UTRN: variants seen among roughly 807,000 people sequenced by gnomAD.
UTRN encodes the protein utrophin.
In UTRN, 283 loss-of-function variants were observed where a neutral mutation model predicts 463.9. The ratio of observed to expected loss-of-function variants is 0.61; its 90% CI spans 0.55 to 0.67. The LOEUF (loss-of-function observed/expected upper bound fraction) is 0.67. Ranked by LOEUF, UTRN falls within the 30% of genes least tolerant of loss-of-function variation. The pLI is 0.00. For missense variants in UTRN, 3,922 were observed against 4,084.3 expected (o/e 0.96, Z 1.08); for synonymous variants, 1,442 against 1,431.5 (o/e 1.01, Z -0.17).
intron 9 of UTRN, among the ~76,000 whole-genome samples, chr6:144,431,204 T>C (rs1328731427): frequency 2.0e-5 from 3 of 152,212 alleles, no homozygotes; most frequent in Non-Finnish European, 2.9e-5. Flanking sequence ...AGATATTTTA[T>C]TTAGTTCTTA....
intron 25 of UTRN, among the ~76,000 whole-genome samples, chr6:144,476,955 TGA>T (rs1360969889): frequency 6.6e-6 from 1 of 152,082 alleles, no homozygotes; most frequent in African/African-American, 2.4e-5. Context: ...TTTTTAATAA[TGA>T]GAGATATTAA....
intron 3 of UTRN, among the ~76,000 whole-genome samples, chr6:144,415,406 A>G (rs1400631344): frequency 6.6e-6 from 1 of 152,180 alleles, no homozygotes; most frequent in Non-Finnish European, 1.5e-5. Context: ...CCAAGGCCCA[A>G]TTCTGCATCT....
intron 50 of UTRN, 55 bp downstream of exon 50, chr6:144,557,366 G>A: frequency 6.5e-7 from 1 of 1,548,782 alleles, no homozygotes. Context: ...GAATTTGATG[G>A]CTTTGGCTTT....
At chr6:144,470,110 A>G (rs1790372174) in intron 23 of UTRN, among the ~76,000 whole-genome samples, 1 of 152,180 alleles carries the variant, frequency 6.6e-6, no homozygotes, top group Non-Finnish European at 1.5e-5. Flanking sequence ...CCTTCCACAC[A>G]AACACAGCAA....
At chr6:144,595,328 A>C (rs1163052810) in intron 51 of UTRN, among the ~76,000 whole-genome samples, 3 of 152,222 alleles carry the variant, frequency 2.0e-5, no homozygotes, top group African/African-American at 7.2e-5. Context: ...AATAACAATC[A>C]ATGACAATAT....
chr6:144,434,924 T>A (rs1013154614), intron 9 of UTRN, among the ~76,000 whole-genome samples: 4 of 152,190 alleles, frequency 2.6e-5, no homozygotes, highest in Non-Finnish European at 5.9e-5. Flanking sequence ...GGATTTGTTG[T>A]TTGAGCACAG....
chr6:144,667,759 C>G (rs1448307839), intron 51 of UTRN, among the ~76,000 whole-genome samples: 1 of 152,114 alleles, frequency 6.6e-6, no homozygotes, highest in African/African-American at 2.4e-5. Flanking sequence ...CTGAGAATTT[C>G]TATTTGGCAC....
chr6:144,451,484 G>A lies in UTRN; in HGVS notation c.2187G>A (p.Lys729=), dbSNP rs772650632. The A allele has an allele frequency of 1.4e-5, 22 of 1,608,554 alleles. No homozygotes were observed. The highest frequency in any genetic ancestry group is 1.2e-4 in the Admixed American group (7 of 58,776). ...MKMQDTSEMK[K]KLKALEKEQR... ...TGCAAGACACTTCCGAAATGAAAAAGAAGTTGAAGGTAAAAAACATAAACC... is the reference window on the plus strand; with the variant it reads ...TGCAAGACACTTCCGAAATGAAAAAAAAGTTGAAGGTAAAAAACATAAACC... The change falls in exon 18 of 75, where the codon AAG becomes AAA. Residue 729 remains lysine (K), a synonymous_variant. Transcript: ENST00000367545.
chr6:144,756,629 C>T (rs779605456), intron 57 of UTRN, among the ~76,000 whole-genome samples: 4 of 152,112 alleles, frequency 2.6e-5, no homozygotes, highest in Non-Finnish European at 5.9e-5. Context: ...AAAAACTGAC[C>T]TATTAGCCTG....
chr6:144,431,744 A>G (rs1483705758), intron 9 of UTRN, among the ~76,000 whole-genome samples: 1 of 152,220 alleles, frequency 6.6e-6, no homozygotes, highest in Non-Finnish European at 1.5e-5. Context: ...GTTTGGAGCT[A>G]AATGATCTCC....
intron 3 of UTRN, 32 bp from the exon 4 acceptor site, chr6:144,421,846 C>T (rs543505069): frequency 1.9e-6 from 3 of 1,573,512 alleles, no homozygotes; most frequent in African/African-American, 2.7e-5. Context: ...TGTTGGCATA[C>T]CCCATATTTT....
intron 64 of UTRN, among the ~76,000 whole-genome samples, chr6:144,800,439 A>G (rs1777604737): frequency 6.6e-6 from 1 of 152,196 alleles, no homozygotes; most frequent in Non-Finnish European, 1.5e-5. Context: ...TGACCTGTAA[A>G]TGTCTCTATG....
At chr6:144,408,017 T>G (rs1170520920) in intron 3 of UTRN, among the ~76,000 whole-genome samples, 1 of 152,230 alleles carries the variant, frequency 6.6e-6, no homozygotes, top group Non-Finnish European at 1.5e-5. Context: ...GATCACCTGG[T>G]CTACATTTCC....
At chr6:144,371,125 A>G (rs1779945936) in intron 2 of UTRN, among the ~76,000 whole-genome samples, 2 of 152,202 alleles carry the variant, frequency 1.3e-5, no homozygotes. Context: ...AGTCAAGTTC[A>G]ACAGGGTCTT....
At chr6:144,708,257 A>G (rs573961016) in intron 53 of UTRN, 235 of 647,264 alleles carry the variant, frequency 3.6e-4, no homozygotes, top group Middle Eastern at 1.5e-3. Flanking sequence ...GATTGCTTCA[A>G]TACTTGGAAT....
chr6:144,412,864 A>G (rs773122367), intron 3 of UTRN, among the ~76,000 whole-genome samples: 19 of 152,126 alleles, frequency 1.2e-4, no homozygotes, highest in Non-Finnish European at 2.2e-4. Flanking sequence ...GTGTAAATAA[A>G]TAATAGAATA....
rs75265672 is a variant in UTRN at position 144,351,067 on chromosome 6, A to G, written c.80-52056A>G. On this transcript the variant is annotated intron_variant, in intron 2 of 74. Transcript: ENST00000367545. ...ATTTATGAAAAAAACCATTTTTTAT[A>G]TATTTTATGGAACATGGAGTTAGCA... is the stretch of plus-strand genomic sequence containing the variant. Among the ~76,000 whole-genome samples the G allele has an allele frequency of 8.3e-3, 1,270 of 152,254 alleles. 72 individuals carry two copies. The East Asian group carries it at 0.16, about 19-fold the overall frequency.
intron 2 of UTRN, among the ~76,000 whole-genome samples, chr6:144,313,592 G>A (rs1336065302): frequency 6.6e-6 from 1 of 152,192 alleles, no homozygotes; most frequent in Non-Finnish European, 1.5e-5. Flanking sequence ...CCAAGTTTGT[G>A]GTCAGTTGGC....
intron 51 of UTRN, among the ~76,000 whole-genome samples, chr6:144,630,801 A>G: frequency 6.6e-6 from 1 of 152,042 alleles, no homozygotes; most frequent in East Asian, 1.9e-4. Context: ...TGAGTTCAGT[A>G]TTTATCTGCT....
Sources: allele counts gnomAD v4.1 joint callset (sites outside exome capture counted in the v4.1 genomes callset), GRCh38; gene constraint gnomAD v4.1.1; transcripts MANE v1.5; gene names NCBI Gene and HGNC (gene_info 2026-07-23, HGNC 2026-07-21).